The following EPHA6 variants were observed in gnomAD, a reference collection of about 807,000 sequenced individuals.
EPHA6 encodes ephrin type-A receptor 6.
In EPHA6, 50 loss-of-function variants were observed where a neutral mutation model predicts 112.0. The observed-to-expected ratio is 0.45, with a 90% CI of 0.36 to 0.56. The LOEUF (loss-of-function observed/expected upper bound fraction) is 0.56, where lower values mean the gene tolerates loss of function less well. Ranked by LOEUF, EPHA6 falls within the 20% of genes least tolerant of loss-of-function variation. The probability of loss-of-function intolerance (pLI) is 0.00; values close to 1 mark genes in which losing one functional copy is unlikely to be tolerated. For synonymous variants in EPHA6, 529 were observed against 490.7 expected (o/e 1.08, Z -1.03); for missense variants, 1,280 against 1,417.4 (o/e 0.90, Z 1.56).
chr3:97,579,155 T>C (rs1364070389), intron 11 of EPHA6, among the ~76,000 whole-genome samples: 1 of 152,218 alleles, frequency 6.6e-6, no homozygotes, highest in African/African-American at 2.4e-5. Flanking sequence ...TTTGTGATTA[T>C]AATTAAGCAA....
chr3:96,931,052 C>G (rs1366514969), intron 2 of EPHA6, among the ~76,000 whole-genome samples: 1 of 139,490 alleles, frequency 7.2e-6, no homozygotes, highest in Non-Finnish European at 1.5e-5. Context: ...TTTGGTAGAG[C>G]AAGTGTGCCA....
At chr3:97,739,499 C>G in intron 16 of EPHA6, among the ~76,000 whole-genome samples, 1 of 152,040 alleles carries the variant, frequency 6.6e-6, no homozygotes, top group East Asian at 1.9e-4. Flanking sequence ...TAATTTTATA[C>G]TAACATATTG....
chr3:97,547,448 G>T (rs935732392), intron 11 of EPHA6, among the ~76,000 whole-genome samples: 1 of 152,118 alleles, frequency 6.6e-6, no homozygotes, highest in African/African-American at 2.4e-5. Context: ...AGGAGTACCC[G>T]GCTGTGTGAG....
In EPHA6 at chr3:97,405,272, A is replaced by G. The variant is rs2087263920; in HGVS notation, c.1729A>G (p.Lys577Glu). 3 of 1,611,256 alleles carry G rather than the reference A, an allele frequency of 1.9e-6. No homozygotes were observed. Among genetic ancestry groups the G allele is most frequent in the African/African-American group, 1.3e-5 (1 of 74,976 alleles). The change falls in exon 6 of 18, where the codon AAA becomes GAA. Residue 577 changes from lysine to glutamate, a missense_variant and splice_region_variant. Physicochemically the swap from Lys to Glu is moderately conservative, Grantham distance 56 (BLOSUM62 1). Around this residue, in one of 4 missense-constraint regions of EPHA6, gnomAD observed 878 missense variants for 999.7 expected, o/e 0.88. Coordinates refer to ENST00000389672, the MANE Select transcript of EPHA6 (RefSeq NM_001080448.3). ...ILDYEIKYYEKEHEQLTYSST... is the reference protein window; with the variant it reads ...ILDYEIKYYEEEHEQLTYSST... ...GGACTACGAGATCAAGTACTATGAG[A>G]AAGTAGGTCTTATTTGGAGCTTCCT...
At chr3:97,693,097 G>C (rs773505790) in intron 14 of EPHA6, among the ~76,000 whole-genome samples, 6 of 152,316 alleles carry the variant, frequency 3.9e-5, no homozygotes, top group Middle Eastern at 3.4e-3. Flanking sequence ...AAGTAAATGA[G>C]GAAAATGCTG....
At chr3:97,216,702 T>C (rs887606769) in intron 3 of EPHA6, among the ~76,000 whole-genome samples, 3 of 152,200 alleles carry the variant, frequency 2.0e-5, no homozygotes, top group African/African-American at 7.2e-5. Context: ...CCAGTGATAT[T>C]TTAGAGTTCG....
At chr3:97,713,456 A>G (rs759118675) in intron 14 of EPHA6, among the ~76,000 whole-genome samples, 2 of 152,308 alleles carry the variant, frequency 1.3e-5, no homozygotes, top group Admixed American at 6.5e-5. Context: ...TTTGTTACCT[A>G]AAACAATGCT....
intron 5 of EPHA6, among the ~76,000 whole-genome samples, chr3:97,297,935 T>A (rs2108705263): frequency 6.6e-6 from 1 of 152,174 alleles, no homozygotes; most frequent in Middle Eastern, 3.4e-3. Context: ...AGCTAATTTT[T>A]GTATTTTTAG....
chr3:96,978,798 T>C, intron 2 of EPHA6, among the ~76,000 whole-genome samples: 1 of 152,198 alleles, frequency 6.6e-6, no homozygotes, highest in East Asian at 1.9e-4. Flanking sequence ...CTATATTTCT[T>C]GGTTTATATC....
intron 15 of EPHA6, among the ~76,000 whole-genome samples, chr3:97,735,472 T>C (rs1038396472): frequency 6.6e-6 from 1 of 152,032 alleles, no homozygotes; most frequent in African/African-American, 2.4e-5. Context: ...AGGGTACACA[T>C]TGACATTATC....
chr3:97,464,040 C>T (rs2090976115), intron 7 of EPHA6, among the ~76,000 whole-genome samples: 1 of 152,138 alleles, frequency 6.6e-6, no homozygotes, highest in Non-Finnish European at 1.5e-5. Flanking sequence ...CACACAGCCA[C>T]CAATCTCTGT....
chr3:97,252,243 T>C (rs1350323375), intron 5 of EPHA6, among the ~76,000 whole-genome samples: 1 of 151,864 alleles, frequency 6.6e-6, no homozygotes, highest in East Asian at 1.9e-4. Flanking sequence ...AGCAGAAAAA[T>C]GATGACACTC....
intron 3 of EPHA6, among the ~76,000 whole-genome samples, chr3:97,058,995 G>T (rs913058862): frequency 6.6e-6 from 1 of 152,024 alleles, no homozygotes; most frequent in Non-Finnish European, 1.5e-5. Flanking sequence ...AGGAGTGGGG[G>T]GACGCAGATT....
intron 5 of EPHA6, among the ~76,000 whole-genome samples, chr3:97,375,536 AT>A (rs1325181464): frequency 6.6e-6 from 1 of 152,100 alleles, no homozygotes. Context: ...AAATTAATCA[AT>A]TTTTTTCTAA....
At chr3:97,392,777 TTG>T (rs1196343325) in intron 5 of EPHA6, among the ~76,000 whole-genome samples, 3 of 151,778 alleles carry the variant, frequency 2.0e-5, no homozygotes, top group African/African-American at 7.2e-5. Context: ...TATTAATGAC[TTG>T]TCATATTATT....
intron 3 of EPHA6, among the ~76,000 whole-genome samples, chr3:97,045,572 CTAGT>C (rs926392957): frequency 2.0e-4 from 30 of 151,614 alleles, no homozygotes; most frequent in African/African-American, 6.8e-4. Flanking sequence ...AAAAAGAAAG[CTAGT>C]TAAATACTCA....
At chr3:97,193,847 C>T (rs115871854) in intron 3 of EPHA6, among the ~76,000 whole-genome samples, 2,474 of 151,996 alleles carry the variant, frequency 0.016, 76 homozygotes, top group African/African-American at 0.054. Flanking sequence ...GTTTCTATCA[C>T]GAAGGGATAT....
chr3:96,903,152 C>G (rs1363943448), intron 2 of EPHA6, among the ~76,000 whole-genome samples: 3 of 152,076 alleles, frequency 2.0e-5, no homozygotes, highest in Non-Finnish European at 4.4e-5. Context: ...GGATTCTGAG[C>G]CATCTGGGTA....
At chr3:97,134,527 G>C (rs547231846) in intron 3 of EPHA6, among the ~76,000 whole-genome samples, 6 of 152,204 alleles carry the variant, frequency 3.9e-5, no homozygotes, top group Non-Finnish European at 8.8e-5. Flanking sequence ...ATATGAGACA[G>C]TACTTTCAAG....
Sources: gnomAD v4.1 joint callset for allele counts (sites outside exome capture counted in the v4.1 genomes callset) on GRCh38, gnomAD v4.1.1 for gene constraint, gnomAD v4.1.1 regional missense constraint, MANE v1.5 for transcripts, NCBI Gene and HGNC (gene_info 2026-07-23, HGNC 2026-07-21) for gene names.